The following PPIL6 variants were observed in gnomAD, a reference collection of about 807,000 sequenced individuals.
PPIL6 encodes the protein peptidylprolyl isomerase like 6, also known as probable inactive peptidyl-prolyl cis-trans isomerase-like 6.
In PPIL6, 39 loss-of-function variants were observed where a neutral mutation model predicts 36.8. The observed-to-expected ratio is 1.06, with a 90% CI of 0.82 to 1.38. PPIL6 has a LOEUF of 1.38. Among genes scored for constraint, PPIL6 ranks in the 40% most tolerant of loss-of-function variants. PPIL6 has a pLI of 0.00. For missense variants in PPIL6, 368 were observed against 379.1 expected (o/e 0.97, Z 0.24); for synonymous variants, 123 against 134.1 (o/e 0.92, Z 0.57).
chr6:109,419,723 CA>C (rs981184987), intron 5 of PPIL6, among the ~76,000 whole-genome samples: 26 of 137,902 alleles, frequency 1.9e-4, no homozygotes, highest in Non-Finnish European at 2.2e-4. Flanking sequence ...AACTCCATTT[CA>C]AAAAAAAAAA....
intron 3 of PPIL6, among the ~76,000 whole-genome samples, chr6:109,428,432 G>A (rs1384683457): frequency 1.3e-5 from 2 of 151,690 alleles, no homozygotes; most frequent in African/African-American, 4.8e-5. Flanking sequence ...TGTGTCTGTA[G>A]TCCCAGCTAC....
At position 109,392,535 on chromosome 6, in the gene PPIL6, A is replaced by G; in HGVS notation, c.*291T>C. The stretch of plus-strand genomic sequence containing the variant: ...GCCTCTCCACATTCCAGACTGGATG[A>G]AGGGGAAGGGGCAGGACCACTGGCG... On this transcript the variant is annotated 3_prime_UTR_variant, in exon 8 of 8. Coordinates refer to ENST00000521072, the MANE Select transcript of PPIL6 (RefSeq NM_173672.5). 7.4e-6 allele frequency: 2 copies of G among 271,620 alleles called. No homozygotes were observed. Among genetic ancestry groups the G allele is most frequent in the Non-Finnish European group, 1.4e-5 (2 of 145,906 alleles). The allele number at this position is 271,620 out of a possible 1,614,324, so 16.8% of individuals were successfully genotyped here.
At chr6:109,414,476 G>GTTTTTTTTTTTTTTTTTTTTTTT (rs1773153520) in intron 6 of PPIL6, among the ~76,000 whole-genome samples, 1 of 107,084 alleles carries the variant, frequency 9.3e-6, no homozygotes, top group African/African-American at 3.9e-5. Flanking sequence ...ATGTCTTTTA[G>GTTTTTTTTTTTTTTTTTTTTTTT]CTTTTTTTTT....
chr6:109,410,672 T>G (rs1172207207), intron 6 of PPIL6, among the ~76,000 whole-genome samples: 2 of 152,216 alleles, frequency 1.3e-5, no homozygotes. Context: ...TTGCATTCAC[T>G]GTTGTGTTCA....
chr6:109,392,864 T>G lies in PPIL6; in HGVS notation c.898A>C (p.Met300Leu). The G allele has an allele frequency of 6.2e-7, 1 of 1,603,856 alleles. No homozygotes were observed. Among genetic ancestry groups the G allele is most frequent in the Non-Finnish European group, 8.5e-7 (1 of 1,171,936 alleles). The change falls in exon 8 of 8, where the codon ATG becomes CTG. Residue 300 changes from methionine to leucine, a missense_variant. By Grantham distance (15) the Met-to-Leu change is conservative. Transcript: ENST00000521072. Reference protein sequence around the residue: ...VPTQNERPIHMCRITDSGDPY... With the variant: ...VPTQNERPIHLCRITDSGDPY... The stretch of plus-strand genomic sequence containing the variant: ...TCTCCACTGTCAGTAATTCTACACA[T>G]ATGTATTGGTCTTTCATTCTGTGTT...
Position 109,431,362 on chromosome 6 carries a change from CAAAA to C in PPIL6, c.232-21_232-18del. 2.3e-5 allele frequency: 25 copies of C among 1,071,550 alleles called. No individual in the cohort carries two copies. The highest frequency in any genetic ancestry group is 4.5e-5 in the South Asian group (2 of 44,796). 66.4% of individuals were successfully genotyped at this position (1,071,550 alleles called of 1,614,324 possible). A position where few individuals can be genotyped will look rare whatever the true frequency, so the allele number is the denominator to read the frequency against. On this transcript the variant is annotated intron_variant, in intron 2 of 7. Coordinates refer to ENST00000521072, the MANE Select transcript of PPIL6 (RefSeq NM_173672.5). ...TTTGAGTTCCTGTAAGGGAAAAGGA[CAAAA>C]AAAAAAAAAAACGTAAGAAGTGGGG... is the stretch of plus-strand genomic sequence containing the variant.
At chr6:109,437,005 A>G (rs1217785274) in intron 1 of PPIL6, among the ~76,000 whole-genome samples, 1 of 152,248 alleles carries the variant, frequency 6.6e-6, no homozygotes, top group Non-Finnish European at 1.5e-5. Context: ...GGGATGACCA[A>G]AAAGATAATA....
intron 1 of PPIL6, among the ~76,000 whole-genome samples, chr6:109,437,475 C>T (rs3757237): frequency 0.19 from 28,566 of 151,720 alleles, 4,502 homozygotes; most frequent in African/African-American, 0.43. Context: ...CAATAGCTGA[C>T]GCATCTTGTT....
chr6:109,418,403 G>T (rs1284859392), intron 6 of PPIL6, among the ~76,000 whole-genome samples: 1 of 152,056 alleles, frequency 6.6e-6, no homozygotes, highest in Non-Finnish European at 1.5e-5. Context: ...CCCCTACACA[G>T]ATGCTGATAC....
intron 7 of PPIL6, among the ~76,000 whole-genome samples, chr6:109,399,634 C>T (rs1470454653): frequency 1.3e-5 from 2 of 152,180 alleles, no homozygotes; most frequent in Non-Finnish European, 2.9e-5. Context: ...AACTCCTGGC[C>T]TTAAGTAATT....
In PPIL6 at chr6:109,400,136, T is replaced by A; in HGVS notation, c.723A>T (p.Gly241=). ...ENFSVPHNKR[G]VLGMANKGRH... ...GGCCTTTGTTGGCCATTCCAAGTAC[T>A]CCTCTTTTATTATGAGGAACTGAAA... Residue 241 remains glycine (G), a synonymous_variant, in exon 7 of 8, where the codon GGA becomes GGT. Transcript: ENST00000521072. The A allele has an allele frequency of 6.2e-7, 1 of 1,613,368 alleles. No homozygotes were observed. Among genetic ancestry groups the A allele is most frequent in the Non-Finnish European group, 8.5e-7 (1 of 1,179,456 alleles).
At chr6:109,411,418 C>T (rs1773007433) in intron 6 of PPIL6, among the ~76,000 whole-genome samples, 1 of 152,190 alleles carries the variant, frequency 6.6e-6, no homozygotes, top group South Asian at 2.1e-4. Flanking sequence ...ACTAGCTGAA[C>T]ATGGTGGAGT....
intron 6 of PPIL6, among the ~76,000 whole-genome samples, chr6:109,411,682 T>C (rs1423220371): frequency 2.0e-5 from 3 of 152,220 alleles, no homozygotes; most frequent in Non-Finnish European, 4.4e-5. Flanking sequence ...TAGTAAAAGT[T>C]TGTGTTTTCT....
At chr6:109,404,109 A>G (rs1772678021) in intron 6 of PPIL6, among the ~76,000 whole-genome samples, 1 of 152,216 alleles carries the variant, frequency 6.6e-6, no homozygotes, top group South Asian at 2.1e-4. Context: ...CTGGGACTCC[A>G]TGGGCACAGT....
At chr6:109,440,771 G>A, upstream of PPIL6, 1 of 329,474 alleles carries the variant, frequency 3.0e-6, no homozygotes, top group Non-Finnish European at 5.1e-6. Context: ...GGGCGGCCGC[G>A]ACCGCCGGGG....
At chr6:109,420,342 A>G in intron 5 of PPIL6, among the ~76,000 whole-genome samples, 1 of 150,082 alleles carries the variant, frequency 6.7e-6, no homozygotes, top group African/African-American at 2.4e-5. Flanking sequence ...CAAAAAAAAA[A>G]AAAAAAAAAA....
Position 109,391,327 on chromosome 6 carries a change from CTT to C in PPIL6, c.*1497_*1498del, listed in dbSNP as rs1180969953. The C allele has an allele frequency of 3.5e-5, 5 of 143,868 alleles. No homozygotes were observed. The highest frequency in any genetic ancestry group is 4.5e-5 in the Non-Finnish European group (3 of 66,368). 8.9% of individuals were successfully genotyped at this position (143,868 alleles called of 1,614,324 possible). On this transcript the variant is annotated 3_prime_UTR_variant, in exon 8 of 8. Coordinates refer to ENST00000521072, the MANE Select transcript of PPIL6 (RefSeq NM_173672.5). ...AAAAAAAAAAAAAAAGAAAAGCACTCTTAGTCTGGGCAGAGCAGGGGCACAGG... is the reference window on the plus strand; with the variant it reads ...AAAAAAAAAAAAAAAGAAAAGCACTCAGTCTGGGCAGAGCAGGGGCACAGG...
intron 6 of PPIL6, among the ~76,000 whole-genome samples, chr6:109,410,731 T>C (rs1168484586): frequency 6.6e-6 from 1 of 152,158 alleles, no homozygotes; most frequent in Non-Finnish European, 1.5e-5. Flanking sequence ...CAACTTTAGT[T>C]GCCACATTCC....
chr6:109,436,342 G>T, intron 1 of PPIL6, 143 bp from the exon 2 acceptor site: 1 of 593,768 alleles, frequency 1.7e-6, no homozygotes, highest in Non-Finnish European at 3.0e-6. Context: ...TTCCTTGCTC[G>T]CTGTCAGAGG....
Sources: gnomAD v4.1 joint callset for allele counts (sites outside exome capture counted in the v4.1 genomes callset) on GRCh38, gnomAD v4.1.1 for gene constraint, MANE v1.5 for transcripts, NCBI Gene and HGNC (gene_info 2026-07-23, HGNC 2026-07-21) for gene names.